TRABD2A: variants seen among roughly 807,000 people sequenced by gnomAD.
The protein encoded by TRABD2A is metalloprotease TIKI1.
A neutral mutation model predicts 45.6 loss-of-function variants in TRABD2A; 43 were observed. That is an observed-to-expected ratio of 0.94 (90% CI 0.74 to 1.22). The LOEUF (loss-of-function observed/expected upper bound fraction) is 1.22, where lower values mean the gene tolerates loss of function less well. Among genes scored for constraint, TRABD2A ranks in the 50% most tolerant of loss-of-function variants. The pLI, the probability that TRABD2A is intolerant of heterozygous loss-of-function variation, is 0.00. For synonymous variants in TRABD2A, 269 were observed against 265.0 expected (o/e 1.02, Z -0.15); for missense variants, 642 against 652.4 (o/e 0.98, Z 0.17).
intron 2 of TRABD2A, among the ~76,000 whole-genome samples, chr2:84,845,150 A>G (rs1370812187): frequency 3.9e-5 from 6 of 152,172 alleles, no homozygotes; most frequent in Non-Finnish European, 1.5e-5. Flanking sequence ...CAGGAGTTCA[A>G]GACCAGCCTG....
chr2:84,880,770 G>C (rs770115649), intron 1 of TRABD2A, among the ~76,000 whole-genome samples, 162 bp downstream of exon 1: 1 of 152,242 alleles, frequency 6.6e-6, no homozygotes, highest in Non-Finnish European at 1.5e-5. Context: ...GAACCCGAGG[G>C]CACGGAGAGG....
At chr2:84,850,410 G>A (rs1682041254) in intron 2 of TRABD2A, among the ~76,000 whole-genome samples, 2 of 152,040 alleles carry the variant, frequency 1.3e-5, no homozygotes, top group South Asian at 4.1e-4. Context: ...ACTGCACTTG[G>A]GGAAGAAGAT....
At chr2:84,833,757 C>T (rs1009402182) in intron 4 of TRABD2A, 3 of 151,096 alleles carry the variant, frequency 2.0e-5, no homozygotes, top group Non-Finnish European at 4.4e-5. Flanking sequence ...GGGCTCACAG[C>T]CCCTGGGCAC....
chr2:84,861,397 G>C (rs140431623), intron 2 of TRABD2A, among the ~76,000 whole-genome samples: 1 of 152,048 alleles, frequency 6.6e-6, no homozygotes, highest in African/African-American at 2.4e-5. Context: ...CAGATCATCA[G>C]GCATCAGATT....
At position 84,870,491 on chromosome 2, in the gene TRABD2A, G is replaced by A; in HGVS notation, c.403C>T (p.Pro135Ser). The change falls in exon 2 of 7, where the codon CCC (proline) becomes TCC (serine). Residue 135 changes from proline (P) to serine (S), a missense_variant. Transcript: ENST00000409520. ...CGCTGGTCTGGGGTCATCCACAAGG[G>A]CATCATGAGCTTGACATACTCCAGG... ...RHLEYVKLMMPLWMTPDQRGK... is the reference protein window; with the variant it reads ...RHLEYVKLMMSLWMTPDQRGK... 1.9e-6 allele frequency: 3 copies of A among 1,614,020 alleles called. No homozygotes were observed. Among genetic ancestry groups the A allele is most frequent in the Non-Finnish European group, 2.5e-6 (3 of 1,179,890 alleles).
chr2:84,866,501 CT>C (rs1419025551), intron 2 of TRABD2A, among the ~76,000 whole-genome samples: 1 of 152,112 alleles, frequency 6.6e-6, no homozygotes, highest in African/African-American at 2.4e-5. Flanking sequence ...GAAAAAAAAT[CT>C]TTGTCTATAG....
At chr2:84,828,698 A>G (rs1192277) in intron 5 of TRABD2A, among the ~76,000 whole-genome samples, 19,051 of 152,212 alleles carry the variant, frequency 0.13, 1,215 homozygotes, top group Non-Finnish European at 0.13. Flanking sequence ...TGATATTAAC[A>G]CATAATCAAT....
chr2:84,826,489 G>A (rs1328368288), intron 5 of TRABD2A, among the ~76,000 whole-genome samples: 1 of 152,144 alleles, frequency 6.6e-6, no homozygotes, highest in East Asian at 1.9e-4. Flanking sequence ...CCAGGGGGAG[G>A]AAACTGACCT....
intron 5 of TRABD2A, among the ~76,000 whole-genome samples, chr2:84,825,163 T>C (rs998319984): frequency 2.0e-5 from 3 of 152,108 alleles, no homozygotes. Context: ...AGGGGAGCAG[T>C]GGATGCGCCA....
In TRABD2A at chr2:84,846,566, A is replaced by G. The variant is rs538379877; in HGVS notation, c.670-4559T>C. Among the ~76,000 whole-genome samples the G allele has an allele frequency of 8.5e-5, 13 of 152,324 alleles. No individual in the cohort carries two copies. In the South Asian group the frequency reaches 1.9e-3, roughly 22 times the overall value. On this transcript the variant is annotated intron_variant, in intron 2 of 6. Coordinates refer to ENST00000409520, the MANE Select transcript of TRABD2A (RefSeq NM_001277053.2). ...CCAGCAGGTGCCAAACACCAAACACAGTGGTCGCTGTATGTCCAAAGAGAC... is the reference window on the plus strand; with the variant it reads ...CCAGCAGGTGCCAAACACCAAACACGGTGGTCGCTGTATGTCCAAAGAGAC...
intron 4 of TRABD2A, chr2:84,838,037 G>T: frequency 3.5e-6 from 2 of 564,516 alleles, no homozygotes; most frequent in Non-Finnish European, 6.4e-6. Flanking sequence ...TTCACACAGA[G>T]CAAGCTCTGA....
chr2:84,847,945 G>A (rs767354571), intron 2 of TRABD2A, among the ~76,000 whole-genome samples: 29 of 152,182 alleles, frequency 1.9e-4, no homozygotes, highest in Non-Finnish European at 2.6e-4. Flanking sequence ...ACATAATTCC[G>A]ATCTACATAG....
chr2:84,841,055 C>T (rs1681693637), intron 3 of TRABD2A, among the ~76,000 whole-genome samples: 1 of 152,206 alleles, frequency 6.6e-6, no homozygotes, highest in Admixed American at 6.5e-5. Flanking sequence ...TCCTGTCTCC[C>T]CTCTCCAGTG....
chr2:84,844,950 T>G (rs1681834614), intron 2 of TRABD2A, among the ~76,000 whole-genome samples: 1 of 152,258 alleles, frequency 6.6e-6, no homozygotes, highest in African/African-American at 2.4e-5. Context: ...AACATTTTTC[T>G]TTCTTAAGGT....
Position 84,823,996 on chromosome 2 carries a change from G to C in TRABD2A, c.1291C>G (p.Arg431Gly). ...KKRRRSQRRP[R>G]LRQFSDLWVR... is the part of the protein sequence containing the mutation. ...CACAGATCGCTGAATTGCCGGAGTC[G>C]CGGCCTCCGCTGTGACCGCCTCCGC... The change falls in exon 6 of 7, where the codon CGA becomes GGA. Residue 431 changes from arginine to glycine, a missense_variant. Physicochemically the swap from Arg to Gly is moderately radical, Grantham distance 125. Coordinates refer to ENST00000409520, the MANE Select transcript of TRABD2A (RefSeq NM_001277053.2). 1 of 1,613,834 alleles carries C rather than the reference G, an allele frequency of 6.2e-7. No individual in the cohort carries two copies. The highest frequency in any genetic ancestry group is 1.1e-5 in the South Asian group (1 of 91,044).
intron 2 of TRABD2A, among the ~76,000 whole-genome samples, chr2:84,864,563 C>A (rs1450727706): frequency 6.6e-6 from 1 of 152,154 alleles, no homozygotes; most frequent in Non-Finnish European, 1.5e-5. Flanking sequence ...GCCTGTCCTG[C>A]ACTAACTCTT....
intron 2 of TRABD2A, among the ~76,000 whole-genome samples, chr2:84,853,385 T>A (rs566772776): frequency 6.6e-6 from 1 of 152,232 alleles, no homozygotes; most frequent in East Asian, 1.9e-4. Flanking sequence ...ATGTCCTTCG[T>A]CACATGGCAG....
intron 2 of TRABD2A, among the ~76,000 whole-genome samples, chr2:84,857,767 C>T (rs1682364620): frequency 6.6e-6 from 1 of 152,154 alleles, no homozygotes; most frequent in African/African-American, 2.4e-5. Context: ...AAAGAGGCAA[C>T]CTCCAACACC....
intron 2 of TRABD2A, among the ~76,000 whole-genome samples, chr2:84,847,858 G>T (rs1681950831): frequency 1.3e-5 from 2 of 152,194 alleles, no homozygotes; most frequent in Non-Finnish European, 2.9e-5. Context: ...ACGAGGTCAT[G>T]CTCCCTCTGA....
Sources: gnomAD v4.1 joint callset for allele counts (sites outside exome capture counted in the v4.1 genomes callset) on GRCh38, gnomAD v4.1.1 for gene constraint, MANE v1.5 for transcripts, NCBI Gene and HGNC (gene_info 2026-07-23, HGNC 2026-07-21) for gene names.